ANO1: variants seen among roughly 807,000 people sequenced by gnomAD.
ANO1 encodes anoctamin-1.
Under a neutral mutation model 124.0 loss-of-function variants are expected in ANO1, and 59 were observed. The observed-to-expected ratio is 0.48, with a 90% confidence interval of 0.39 to 0.59. The LOEUF (loss-of-function observed/expected upper bound fraction) is 0.59. ANO1 is among the 20% of genes least tolerant of loss of function. The pLI is 0.00. For missense variants in ANO1, 1,059 were observed against 1,328.0 expected (o/e 0.80, Z 3.15); for synonymous variants, 529 against 532.0 (o/e 0.99, Z 0.08).
At chr11:70,011,823 A>C (rs1555001159) in intron 1 of ANO1, among the ~76,000 whole-genome samples, 1 of 152,252 alleles carries the variant, frequency 6.6e-6, no homozygotes, top group Non-Finnish European at 1.5e-5. Flanking sequence ...CTGTAATAGC[A>C]AAGTCGTTGT....
intron 20 of ANO1, among the ~76,000 whole-genome samples, chr11:70,166,182 G>T (rs1168555615): frequency 6.7e-6 from 1 of 150,292 alleles, no homozygotes. Context: ...GCCGGGCGTG[G>T]TGGCGGGCGC....
intron 11 of ANO1, among the ~76,000 whole-genome samples, chr11:70,133,633 C>T (rs1244610359): frequency 6.6e-6 from 1 of 152,254 alleles, no homozygotes; most frequent in Non-Finnish European, 1.5e-5. Flanking sequence ...CGGCAGCCTC[C>T]TCCCCTGCTC....
chr11:70,094,676 C>G (rs774814986), intron 2 of ANO1, among the ~76,000 whole-genome samples: 2 of 152,166 alleles, frequency 1.3e-5, no homozygotes, highest in Non-Finnish European at 2.9e-5. Context: ...CTTGCAGTCC[C>G]CGTTCTCCCC....
intron 1 of ANO1, among the ~76,000 whole-genome samples, chr11:70,025,956 GT>G (rs1856895863): frequency 3.5e-5 from 5 of 141,768 alleles, no homozygotes; most frequent in Non-Finnish European, 6.1e-5. Flanking sequence ...GGTGATGACA[GT>G]GATGATGATG....
At chr11:70,030,776 G>A (rs1276444346) in intron 1 of ANO1, among the ~76,000 whole-genome samples, 1 of 152,212 alleles carries the variant, frequency 6.6e-6, no homozygotes, top group Non-Finnish European at 1.5e-5. Flanking sequence ...CACAGGTTCT[G>A]AGGATGGGAA....
chr11:70,080,307 C>T (rs1323981585), intron 1 of ANO1, among the ~76,000 whole-genome samples: 2 of 152,148 alleles, frequency 1.3e-5, no homozygotes, highest in Non-Finnish European at 1.5e-5. Flanking sequence ...TTAGGAAGGG[C>T]CCAGGACACA....
intron 1 of ANO1, among the ~76,000 whole-genome samples, chr11:70,082,671 C>T (rs1187805313): frequency 6.6e-6 from 1 of 152,178 alleles, no homozygotes; most frequent in Non-Finnish European, 1.5e-5. Context: ...TTTCCCAGGC[C>T]TTCGAATTTG....
intron 1 of ANO1, chr11:70,085,377 C>T (rs1157448120): frequency 6.7e-7 from 1 of 1,485,692 alleles, no homozygotes; most frequent in Non-Finnish European, 8.9e-7. Flanking sequence ...CCCTAAGCAC[C>T]CTCAGACTTT....
At chr11:70,070,382 G>T (rs1356392096) in intron 1 of ANO1, among the ~76,000 whole-genome samples, 2 of 152,150 alleles carry the variant, frequency 1.3e-5, no homozygotes, top group African/African-American at 4.8e-5. Context: ...GGAGGTAGAG[G>T]TATAAGAGAA....
chr11:70,003,513 C>G lies in ANO1; in HGVS notation c.58+17347C>G, dbSNP rs376929421. On this transcript the variant is annotated intron_variant, in intron 1 of 27. Coordinates refer to the ANO1 transcript ENST00000531349. The stretch of plus-strand genomic sequence containing the variant: ...CTCTTCAGGCTGCAGGAAGCTTACT[C>G]TGTGCTGGGAGGGCATATCACCCTT... Among the ~76,000 whole-genome samples, 57 of 151,870 alleles carry G rather than the reference C, an allele frequency of 3.8e-4. No homozygotes were observed. The South Asian group carries it at 0.011, about 29-fold the overall frequency.
At chr11:70,028,557 A>T (rs1203074242) in intron 1 of ANO1, among the ~76,000 whole-genome samples, 7 of 151,278 alleles carry the variant, frequency 4.6e-5, no homozygotes, top group African/African-American at 1.7e-4. Flanking sequence ...CCTCAGCTCC[A>T]TCATGTCTGA....
chr11:70,175,607 C>T (rs752376264), intron 22 of ANO1, among the ~76,000 whole-genome samples: 8 of 152,376 alleles, frequency 5.3e-5, no homozygotes, highest in Non-Finnish European at 4.4e-5. Flanking sequence ...TTCCTGTTTT[C>T]TTCCTGGTTC....
At chr11:70,052,758 T>C (rs1303767501) in intron 1 of ANO1, among the ~76,000 whole-genome samples, 1 of 151,966 alleles carries the variant, frequency 6.6e-6, no homozygotes, top group African/African-American at 2.4e-5. Context: ...TTTCACCATG[T>C]TGGCCAGGCT....
At chr11:70,035,381 C>CA (rs1857077257) in intron 1 of ANO1, among the ~76,000 whole-genome samples, 1 of 151,610 alleles carries the variant, frequency 6.6e-6, no homozygotes, top group East Asian at 1.9e-4. Flanking sequence ...TATGACCCTG[C>CA]TTTTTTTTTC....
chr11:70,094,817 A>C (rs542655930), intron 2 of ANO1, among the ~76,000 whole-genome samples: 1 of 152,230 alleles, frequency 6.6e-6, no homozygotes, highest in African/African-American at 2.4e-5. Flanking sequence ...ATGCCTCCCC[A>C]GTCTTCAGCT....
chr11:70,010,179 G>GTGTGTATATATATATATATATA, intron 1 of ANO1, among the ~76,000 whole-genome samples: 4 of 83,814 alleles, frequency 4.8e-5, no homozygotes, highest in African/African-American at 1.4e-4. Context: ...GTGTGTGTGT[G>GTGTGTATATATATATATATATA]TATATATATA....
chr11:70,141,567 C>T (rs1001306254), intron 11 of ANO1: 4 of 152,282 alleles, frequency 2.6e-5, no homozygotes, highest in African/African-American at 7.2e-5. Context: ...TCCCACGAAG[C>T]ATTTGCTTTA....
chr11:69,976,280 C>A, the ANO1 span, among the ~76,000 whole-genome samples: 177 of 152,094 alleles, frequency 1.2e-3, no homozygotes, highest in African/African-American at 4.1e-3. Flanking sequence ...GAGGCCAGGG[C>A]GGGCGGATCA....
At chr11:70,060,176 T>G (rs1205253866) in intron 1 of ANO1, among the ~76,000 whole-genome samples, 7 of 152,024 alleles carry the variant, frequency 4.6e-5, no homozygotes, top group Non-Finnish European at 1.0e-4. Flanking sequence ...ATGGAGGAAG[T>G]GGAAAGCATA....
Sources: allele counts gnomAD v4.1 joint callset (sites outside exome capture counted in the v4.1 genomes callset), GRCh38; gene constraint gnomAD v4.1.1; transcripts MANE v1.5; gene names NCBI Gene and HGNC (gene_info 2026-07-23, HGNC 2026-07-21).